The following CBFA2T2 variants were observed in gnomAD, a reference collection of about 807,000 sequenced individuals.
The protein encoded by CBFA2T2 is protein CBFA2T2.
Under a neutral mutation model 62.2 loss-of-function variants are expected in CBFA2T2, and 11 were observed. The observed-to-expected ratio is 0.18, with a 90% CI of 0.11 to 0.29. CBFA2T2 has a LOEUF of 0.29. CBFA2T2 is among the 10% of genes least tolerant of loss of function. The pLI is 1.00. For missense variants in CBFA2T2, 592 were observed against 774.1 expected, an observed-to-expected ratio of 0.76 and a Z score of 2.79; for synonymous variants, 295 against 287.5, an observed-to-expected ratio of 1.03 and a Z score of -0.27.
At chr20:33,629,388 A>C (rs2016367050) in intron 7 of CBFA2T2, among the ~76,000 whole-genome samples, 1 of 152,200 alleles carries the variant, frequency 6.6e-6, no homozygotes, top group African/African-American at 2.4e-5. Context: ...GCCACAGCAA[A>C]TTTACAGTGC....
chr20:33,591,512 A>C (rs1299879925), intron 1 of CBFA2T2, among the ~76,000 whole-genome samples: 1 of 151,964 alleles, frequency 6.6e-6, no homozygotes, highest in Non-Finnish European at 1.5e-5. Flanking sequence ...AAATATGTAC[A>C]AAAAGAAAAG....
chr20:33,644,712 T>C lies in CBFA2T2; in HGVS notation c.*66T>C, dbSNP rs1330628767. On this transcript the variant is annotated 3_prime_UTR_variant, in exon 11 of 11. Coordinates refer to ENST00000342704, the MANE Select transcript of CBFA2T2 (RefSeq NM_001032999.3). ...AGAGTGCTTGGGCTGAGGGACTGAC[T>C]GTTGGAACCCGTGCATGTAGCTGCC... is the stretch of plus-strand genomic sequence containing the variant. 8.0e-6 allele frequency: 12 copies of C among 1,499,510 alleles called. No homozygotes were observed. Among genetic ancestry groups the C allele is most frequent in the Admixed American group, 2.1e-5 (1 of 48,112 alleles). 92.9% of individuals were successfully genotyped at this position (1,499,510 alleles called of 1,614,324 possible).
In CBFA2T2 at chr20:33,649,101, GA is replaced by G. The variant is rs1173712410; in HGVS notation, c.*4457del. On this transcript the variant is annotated 3_prime_UTR_variant, in exon 11 of 11. Transcript: ENST00000342704. ...GAACACTTCTTGGAGGCTTTCTTCA[GA>G]ACTGAACTAGAAACAAGGTTTCCAG... The G allele has an allele frequency of 6.6e-6, 1 of 152,114 alleles. No individual in the cohort carries two copies. The highest frequency in any genetic ancestry group is 1.9e-4 in the East Asian group (1 of 5,188). The allele number at this position is 152,114 out of a possible 1,614,324, so 9.4% of individuals were successfully genotyped here.
At chr20:33,583,400 T>G (rs1257398702) in intron 1 of CBFA2T2, among the ~76,000 whole-genome samples, 1 of 152,266 alleles carries the variant, frequency 6.6e-6, no homozygotes, top group Non-Finnish European at 1.5e-5. Flanking sequence ...CTGGGTAGAC[T>G]GAGTATATGA....
intron 1 of CBFA2T2, among the ~76,000 whole-genome samples, chr20:33,573,483 C>CT (rs58987513): frequency 1.8e-3 from 256 of 145,734 alleles, no homozygotes; most frequent in Middle Eastern, 7.1e-3. Context: ...TCTTCTTCTT[C>CT]TTTTTTTTTT....
At chr20:33,512,724 G>A (rs2011531398) in intron 1 of CBFA2T2, among the ~76,000 whole-genome samples, 1 of 150,406 alleles carries the variant, frequency 6.6e-6, no homozygotes, top group Admixed American at 6.6e-5. Context: ...ACATTCTTCT[G>A]TGTATGTGGG....
intron 1 of CBFA2T2, among the ~76,000 whole-genome samples, chr20:33,582,882 C>T (rs1280858587): frequency 6.6e-6 from 1 of 151,776 alleles, no homozygotes; most frequent in South Asian, 2.1e-4. Flanking sequence ...GTGGATGTTG[C>T]AGTGAACGAA....
chr20:33,620,490 A>AG (rs1294833836), intron 4 of CBFA2T2, among the ~76,000 whole-genome samples: 1 of 152,106 alleles, frequency 6.6e-6, no homozygotes, highest in African/African-American at 2.4e-5. Context: ...TGGGTGACAG[A>AG]GTGAGACATT....
chr20:33,535,724 GT>G (rs1215193437), intron 1 of CBFA2T2, among the ~76,000 whole-genome samples: 1 of 149,586 alleles, frequency 6.7e-6, no homozygotes, highest in Non-Finnish European at 1.5e-5. Flanking sequence ...CAGAGGGGGA[GT>G]TGGCAGGGTC....
At chr20:33,566,324 G>T (rs775015413) in intron 1 of CBFA2T2, among the ~76,000 whole-genome samples, 4 of 152,096 alleles carry the variant, frequency 2.6e-5, no homozygotes, top group Admixed American at 6.6e-5. Context: ...ACAAAAAGTG[G>T]CTGGGCGCCA....
intron 1 of CBFA2T2, among the ~76,000 whole-genome samples, chr20:33,598,530 AT>A (rs2014986350): frequency 6.6e-6 from 1 of 152,142 alleles, no homozygotes; most frequent in African/African-American, 2.4e-5. Flanking sequence ...TCCCTGAACA[AT>A]TGCTGTTATC....
chr20:33,598,063 G>T (rs748342372), intron 1 of CBFA2T2, among the ~76,000 whole-genome samples: 2 of 152,000 alleles, frequency 1.3e-5, no homozygotes, highest in Non-Finnish European at 2.9e-5. Context: ...AATACGTGTG[G>T]GTCACAGACA....
At chr20:33,554,578 CTTTCCT>C (rs796226049) in intron 1 of CBFA2T2, among the ~76,000 whole-genome samples, 1 of 124,278 alleles carries the variant, frequency 8.0e-6, no homozygotes, top group African/African-American at 3.0e-5. Context: ...CTTTTCTTTT[CTTTCCT>C]TTTCCTTTTT....
intron 1 of CBFA2T2, among the ~76,000 whole-genome samples, chr20:33,494,657 A>G (rs375065237): frequency 1.3e-5 from 2 of 151,214 alleles, no homozygotes; most frequent in Admixed American, 1.3e-4. Context: ...CTGGAGTGCA[A>G]TGGCGATCTT....
At position 33,611,169 on chromosome 20, in the gene CBFA2T2, C is replaced by G; in HGVS notation, c.254C>G (p.Pro85Arg). The G allele has an allele frequency of 1.9e-6, 3 of 1,614,216 alleles. No homozygotes were observed. Among genetic ancestry groups the G allele is most frequent in the Non-Finnish European group, 2.5e-6 (3 of 1,180,038 alleles). ...CCGCCACAGAGATTCAGCAATGGTC[C>G]TGCCTCCTCCACATCATCTGCACTC... ...PSPPQRFSNG[P>R]ASSTSSALTN... The change falls in exon 3 of 11, where the codon CCT becomes CGT. Residue 85 changes from proline to arginine, a missense_variant. This residue lies in a region of CBFA2T2 where 449 missense variants were observed against 551.2 expected (regional missense o/e 0.81). Transcript: ENST00000342704.
chr20:33,531,305 A>G (rs1050327390), intron 1 of CBFA2T2, among the ~76,000 whole-genome samples: 3 of 152,210 alleles, frequency 2.0e-5, no homozygotes, highest in Admixed American at 6.5e-5. Context: ...TTTCAGGTAC[A>G]GAGGGGAGCG....
rs2017128213 is a variant in CBFA2T2 at position 33,648,492 on chromosome 20, G to A, written c.*3846G>A. The A allele has an allele frequency of 6.6e-6, 1 of 152,212 alleles. No homozygotes were observed. Among genetic ancestry groups the A allele is most frequent in the African/African-American group, 2.4e-5 (1 of 41,424 alleles). 9.4% of individuals were successfully genotyped at this position (152,212 alleles called of 1,614,324 possible). On this transcript the variant is annotated 3_prime_UTR_variant, in exon 11 of 11. Transcript: ENST00000342704. Reference sequence around the variant, plus strand: ...CGTGCCTGACTCATCCAGTGGGGAAGGTGACTCAAGAAGTTGTTTAAGCCT... The same window carrying A: ...CGTGCCTGACTCATCCAGTGGGGAAAGTGACTCAAGAAGTTGTTTAAGCCT...
At chr20:33,492,570 A>G (rs141735356) in intron 1 of CBFA2T2, among the ~76,000 whole-genome samples, 4,800 of 151,972 alleles carry the variant, frequency 0.032, 116 homozygotes, top group South Asian at 0.064. Flanking sequence ...ACTGGAGTGC[A>G]GTGGCGTCAT....
chr20:33,584,055 C>A (rs1352588481), intron 1 of CBFA2T2, among the ~76,000 whole-genome samples: 1 of 152,194 alleles, frequency 6.6e-6, no homozygotes, highest in Middle Eastern at 3.4e-3. Context: ...TCAAGTGATT[C>A]TCCTTCCTCA....
Sources: allele counts gnomAD v4.1 joint callset (sites outside exome capture counted in the v4.1 genomes callset), GRCh38; gene constraint gnomAD v4.1.1; regional missense constraint gnomAD v4.1.1; transcripts MANE v1.5; gene names NCBI Gene and HGNC (gene_info 2026-07-23, HGNC 2026-07-21).